FBXW8: variants seen among roughly 807,000 people sequenced by gnomAD.
FBXW8 encodes the protein F-box and WD repeat domain containing 8.
In FBXW8, 57 loss-of-function variants were observed where a neutral mutation model predicts 65.3. That is an observed-to-expected ratio of 0.87 (90% CI 0.71 to 1.09). FBXW8 has a LOEUF of 1.09. Among genes scored for constraint, FBXW8 ranks in the 50% least tolerant of loss-of-function variants. The pLI is 0.00. For missense variants in FBXW8, 777 were observed against 814.8 expected (o/e 0.95, Z 0.57); for synonymous variants, 308 against 330.2 (o/e 0.93, Z 0.73).
chr12:117,013,869 C>T (rs968523537), intron 8 of FBXW8, among the ~76,000 whole-genome samples: 4 of 150,644 alleles, frequency 2.7e-5, no homozygotes, highest in African/African-American at 7.3e-5. Context: ...TTGAATGAGT[C>T]ACTAAGGAAA....
chr12:116,966,323 A>C (rs1009316271), intron 5 of FBXW8, among the ~76,000 whole-genome samples: 28 of 152,294 alleles, frequency 1.8e-4, no homozygotes, highest in African/African-American at 6.7e-4. Context: ...CTTTTAAGTT[A>C]GAATCATATA....
At chr12:117,022,272 T>C (rs16947233) in intron 8 of FBXW8, among the ~76,000 whole-genome samples, 7,162 of 151,982 alleles carry the variant, frequency 0.047, 411 homozygotes, top group African/African-American at 0.13. Context: ...CATTTACTCA[T>C]CTAAGTTTTC....
intron 7 of FBXW8, among the ~76,000 whole-genome samples, chr12:116,994,618 T>A (rs1011211445): frequency 2.6e-5 from 4 of 152,240 alleles, no homozygotes; most frequent in African/African-American, 7.2e-5. Flanking sequence ...ACAATGAGAA[T>A]AGTAAAGTGC....
At chr12:117,017,843 T>G (rs1198370951) in intron 8 of FBXW8, among the ~76,000 whole-genome samples, 1 of 152,130 alleles carries the variant, frequency 6.6e-6, no homozygotes, top group African/African-American at 2.4e-5. Flanking sequence ...TGGGAGTATT[T>G]AATCCAAGCC....
At chr12:116,978,128 G>T (rs1885070935) in intron 5 of FBXW8, 1 of 152,208 alleles carries the variant, frequency 6.6e-6, no homozygotes, top group South Asian at 2.1e-4. Flanking sequence ...GAGCTGTAGC[G>T]CTGTGGTCAG....
At chr12:116,919,890 G>A (rs1031306184) in intron 1 of FBXW8, among the ~76,000 whole-genome samples, 2 of 152,214 alleles carry the variant, frequency 1.3e-5, no homozygotes, top group Non-Finnish European at 1.5e-5. Context: ...TCCTGCATCT[G>A]TGTTGCCAAC....
At chr12:117,024,041 T>C in intron 8 of FBXW8, 106 bp from the exon 9 acceptor site, 2 of 1,198,382 alleles carry the variant, frequency 1.7e-6, no homozygotes, top group Admixed American at 4.7e-5. Context: ...GAGGAGTTTT[T>C]CATAGCAGTG....
At chr12:117,006,537 A>T (rs1173646510) in intron 7 of FBXW8, among the ~76,000 whole-genome samples, 1 of 152,170 alleles carries the variant, frequency 6.6e-6, no homozygotes, top group East Asian at 1.9e-4. Context: ...GATGCCTCCC[A>T]GTTGTTGGGC....
intron 1 of FBXW8, among the ~76,000 whole-genome samples, chr12:116,920,797 C>T (rs567610312): frequency 1.3e-5 from 2 of 152,296 alleles, no homozygotes; most frequent in East Asian, 3.9e-4. Flanking sequence ...AATTCTATAG[C>T]CAATCCTGAT....
intron 7 of FBXW8, among the ~76,000 whole-genome samples, chr12:116,999,359 C>T (rs1182680435): frequency 6.6e-6 from 1 of 152,182 alleles, no homozygotes; most frequent in Non-Finnish European, 1.5e-5. Flanking sequence ...CGACTGGCCC[C>T]AAACTGAATT....
At chr12:117,014,961 A>C (rs1025264375) in intron 8 of FBXW8, among the ~76,000 whole-genome samples, 1 of 152,130 alleles carries the variant, frequency 6.6e-6, no homozygotes, top group Non-Finnish European at 1.5e-5. Flanking sequence ...GGTTTCTATC[A>C]GAGTTCTACC....
At chr12:116,971,255 G>A (rs1000949037) in intron 5 of FBXW8, among the ~76,000 whole-genome samples, 43 of 151,976 alleles carry the variant, frequency 2.8e-4, no homozygotes, top group African/African-American at 8.7e-4. Flanking sequence ...GCTACTTGGC[G>A]GGCTGAGGTG....
intron 5 of FBXW8, among the ~76,000 whole-genome samples, chr12:116,983,631 G>C (rs1885465805): frequency 6.6e-6 from 1 of 152,148 alleles, no homozygotes; most frequent in Non-Finnish European, 1.5e-5. Context: ...AAAAAAGAAA[G>C]ATAGGAAGAT....
intron 3 of FBXW8, 103 bp from the exon 4 acceptor site, chr12:116,949,515 T>C (rs1289997998): frequency 1.1e-6 from 1 of 942,434 alleles, no homozygotes; most frequent in Non-Finnish European, 1.7e-6. Context: ...TTGTTGTCCA[T>C]GCTGTAGAGA....
chr12:116,990,785 C>A (rs941540983), intron 7 of FBXW8, among the ~76,000 whole-genome samples: 3 of 152,110 alleles, frequency 2.0e-5, no homozygotes, highest in Admixed American at 1.3e-4. Context: ...ATTTCCAACT[C>A]AACTAAAAGC....
At position 116,945,542 on chromosome 12, in the gene FBXW8, A is replaced by G. The variant is rs1282015616; in HGVS notation, c.588+14A>G. 3.7e-6 allele frequency: 6 copies of G among 1,611,558 alleles called. No homozygotes were observed. Among genetic ancestry groups the G allele is most frequent in the Admixed American group, 1.7e-5 (1 of 59,900 alleles). The stretch of plus-strand genomic sequence containing the variant: ...ACCAACTGGAAGGTGGGCAGTGGCC[A>G]ATATCATTACCTGTGAAAGAATAGC... On this transcript the variant is annotated intron_variant, in intron 3 of 10. Coordinates refer to ENST00000652555, the MANE Select transcript of FBXW8 (RefSeq NM_153348.3).
At chr12:117,009,399 C>A (rs1592953857) in intron 7 of FBXW8, among the ~76,000 whole-genome samples, 4 of 152,034 alleles carry the variant, frequency 2.6e-5, no homozygotes, top group Admixed American at 2.6e-4. Flanking sequence ...TCCCCCACCC[C>A]CTCAAAAAAA....
chr12:116,911,700 G>C (rs1879958154), intron 1 of FBXW8, among the ~76,000 whole-genome samples: 2 of 152,058 alleles, frequency 1.3e-5, no homozygotes, highest in South Asian at 4.2e-4. Flanking sequence ...AAATTATCCA[G>C]GACAAAATAT....
chr12:117,010,013 C>T (rs967396611), intron 7 of FBXW8, among the ~76,000 whole-genome samples: 9 of 152,222 alleles, frequency 5.9e-5, no homozygotes, highest in Non-Finnish European at 7.3e-5. Context: ...GGTTTCCAGA[C>T]GGCTTTCTCT....
Sources: allele counts gnomAD v4.1 joint callset (sites outside exome capture counted in the v4.1 genomes callset), GRCh38; gene constraint gnomAD v4.1.1; transcripts MANE v1.5; gene names NCBI Gene and HGNC (gene_info 2026-07-23, HGNC 2026-07-21).